WWC1: variants seen among roughly 807,000 people sequenced by gnomAD.
The protein encoded by WWC1 is protein KIBRA.
WWC1 carries 55 observed loss-of-function variants against 138.4 expected under a neutral mutation model. The observed-to-expected ratio is 0.40, with a 90% CI of 0.32 to 0.50. The LOEUF (loss-of-function observed/expected upper bound fraction) is 0.50. WWC1 is among the 20% of genes least tolerant of loss of function. The probability of loss-of-function intolerance (pLI) is 0.72; values close to 1 mark genes in which losing one functional copy is unlikely to be tolerated. For missense variants in WWC1, 1,226 were observed against 1,420.4 expected (o/e 0.86, Z 2.20); for synonymous variants, 524 against 564.9 (o/e 0.93, Z 1.03).
chr5:168,360,370 T>C (rs910180705), intron 1 of WWC1, among the ~76,000 whole-genome samples: 1 of 152,218 alleles, frequency 6.6e-6, no homozygotes, highest in African/African-American at 2.4e-5. Context: ...ATTATTATTA[T>C]TGCTATTACT....
chr5:168,375,897 A>G (rs1422208772), intron 2 of WWC1, among the ~76,000 whole-genome samples: 1 of 152,046 alleles, frequency 6.6e-6, no homozygotes, highest in Non-Finnish European at 1.5e-5. Context: ...TTTCTAAAAC[A>G]TAAGCCATTT....
chr5:168,465,027 C>T (rs2305723), intron 21 of WWC1, 65 bp downstream of exon 21: 1 of 1,565,096 alleles, frequency 6.4e-7, no homozygotes, highest in South Asian at 1.2e-5. Flanking sequence ...GGGCACTGCC[C>T]CGGGGAAGAG....
At chr5:168,338,095 G>A (rs1250129468) in intron 1 of WWC1, among the ~76,000 whole-genome samples, 2 of 152,066 alleles carry the variant, frequency 1.3e-5, no homozygotes, top group Non-Finnish European at 2.9e-5. Flanking sequence ...CAGATCACCT[G>A]AGGTCAGGAG....
chr5:168,375,735 C>T (rs78286203), intron 2 of WWC1, among the ~76,000 whole-genome samples: 2,087 of 151,886 alleles, frequency 0.014, 47 homozygotes, highest in African/African-American at 0.046. Flanking sequence ...CCACCACGCC[C>T]AGCTCATTTT....
At chr5:168,317,786 A>G (rs748010450) in intron 1 of WWC1, among the ~76,000 whole-genome samples, 2 of 151,792 alleles carry the variant, frequency 1.3e-5, no homozygotes, top group African/African-American at 2.4e-5. Context: ...TTGCCTAATG[A>G]CTCCTAGAAT....
chr5:168,461,190 G>A (rs1259375901), intron 20 of WWC1, among the ~76,000 whole-genome samples: 5 of 152,168 alleles, frequency 3.3e-5, no homozygotes, highest in South Asian at 2.1e-4. Flanking sequence ...TTAGCCGGGC[G>A]TGGTAGCGTG....
intron 9 of WWC1, 114 bp from the exon 10 acceptor site, chr5:168,421,894 T>TGG (rs1212328085): frequency 1.9e-5 from 15 of 782,080 alleles, no homozygotes; most frequent in Non-Finnish European, 2.8e-5. Context: ...CCAGATGCCG[T>TGG]GGTCAAATGC....
intron 8 of WWC1, 122 bp downstream of exon 8, chr5:168,410,117 A>G (rs1780111411): frequency 2.0e-6 from 2 of 983,320 alleles, no homozygotes; most frequent in Admixed American, 2.1e-5. Flanking sequence ...AAGATTATGA[A>G]GATAGTTATT....
chr5:168,386,677 G>A (rs1016656187), intron 3 of WWC1, among the ~76,000 whole-genome samples: 9 of 148,746 alleles, frequency 6.1e-5, no homozygotes, highest in African/African-American at 2.2e-4. Flanking sequence ...TTACAGGCAT[G>A]AGCCACCGTG....
chr5:168,313,940 C>G (rs1374958122), intron 1 of WWC1, among the ~76,000 whole-genome samples: 1 of 152,172 alleles, frequency 6.6e-6, no homozygotes, highest in Non-Finnish European at 1.5e-5. Context: ...GATAGGGGTT[C>G]ACACCTGCAG....
At chr5:168,454,588 G>T (rs1756133837) in intron 18 of WWC1, among the ~76,000 whole-genome samples, 2 of 152,176 alleles carry the variant, frequency 1.3e-5, no homozygotes, top group African/African-American at 4.8e-5. Context: ...ATTACAGCAG[G>T]ATTCACTCTC....
chr5:168,309,172 G>A (rs1770830413), intron 1 of WWC1, among the ~76,000 whole-genome samples: 5 of 148,708 alleles, frequency 3.4e-5, no homozygotes, highest in Admixed American at 2.0e-4. Flanking sequence ...AGGAGGTGGG[G>A]CATTTTGCAC....
chr5:168,331,020 C>T (rs1352078058), intron 1 of WWC1, among the ~76,000 whole-genome samples: 1 of 152,128 alleles, frequency 6.6e-6, no homozygotes, highest in African/African-American at 2.4e-5. Context: ...CCCCACTTCT[C>T]GAGGGGGTCA....
intron 1 of WWC1, among the ~76,000 whole-genome samples, chr5:168,339,631 G>T (rs527931006): frequency 6.6e-6 from 1 of 152,188 alleles, no homozygotes; most frequent in African/African-American, 2.4e-5. Context: ...CCTTCCCTGG[G>T]CTGTGAGGTT....
Position 168,423,542 on chromosome 5 carries a change from C to T in WWC1, c.1284C>T (p.Ser428=), listed in dbSNP as rs1781283713. ...TLHSQLKSLS[S]SMQSLSSGSS... ...CCTCCCTGTGTCCCAGTCTCTCAAG[C>T]AGCATGCAGTCCCTGTCCTCAGGCA... Residue 428 remains serine (S), a synonymous_variant, in exon 11 of 23, where the codon AGC becomes AGT. Coordinates refer to ENST00000265293, the MANE Select transcript of WWC1 (RefSeq NM_015238.3). 2 of 1,610,502 alleles carry T rather than the reference C, an allele frequency of 1.2e-6. No individual in the cohort carries two copies. The highest frequency in any genetic ancestry group is 1.1e-5 in the South Asian group (1 of 90,368).
chr5:168,317,578 G>A (rs924389615), intron 1 of WWC1, among the ~76,000 whole-genome samples: 22 of 152,098 alleles, frequency 1.4e-4, no homozygotes, highest in African/African-American at 5.3e-4. Context: ...CCCCCACCAA[G>A]GCATCCTGTC....
At chr5:168,410,145 A>G (rs1582198347) in intron 8 of WWC1, 150 bp downstream of exon 8, 1 of 786,326 alleles carries the variant, frequency 1.3e-6, no homozygotes, top group Non-Finnish European at 2.0e-6. Flanking sequence ...TTATATTTTC[A>G]TCCTCTCTGA....
intron 5 of WWC1, among the ~76,000 whole-genome samples, chr5:168,403,051 TTTC>T (rs1561712289): frequency 2.9e-5 from 4 of 136,384 alleles, no homozygotes; most frequent in African/African-American, 6.0e-5. Flanking sequence ...TCTTTCTTTC[TTTC>T]TTTCTTTCTT....
At chr5:168,454,823 G>T (rs1350361133) in intron 18 of WWC1, among the ~76,000 whole-genome samples, 2 of 152,230 alleles carry the variant, frequency 1.3e-5, no homozygotes, top group African/African-American at 4.8e-5. Context: ...GGCTGACAAA[G>T]GTCCTGCATG....
Sources: allele counts gnomAD v4.1 joint callset (sites outside exome capture counted in the v4.1 genomes callset), GRCh38; gene constraint gnomAD v4.1.1; transcripts MANE v1.5; gene names NCBI Gene and HGNC (gene_info 2026-07-23, HGNC 2026-07-21).